PDZD4: variants seen among roughly 807,000 people sequenced by gnomAD.
The protein encoded by PDZD4 is PDZ domain-containing protein 4.
In PDZD4, 9 loss-of-function variants were observed where a neutral mutation model predicts 38.5. That is an observed-to-expected ratio of 0.23 (90% CI 0.14 to 0.41). The LOEUF is 0.41. Among genes scored for constraint, PDZD4 ranks in the 10% least tolerant of loss-of-function variants. The pLI is 1.00. For synonymous variants in PDZD4, 349 were observed against 315.7 expected, an observed-to-expected ratio of 1.11 and a Z score of -1.12; for missense variants, 612 against 722.0, an observed-to-expected ratio of 0.85 and a Z score of 1.75.
In PDZD4 at chrX:153,830,211, G is replaced by T. The variant is rs369374375; in HGVS notation, c.60+28C>A. ...CCCGCTCCTCCCCGCGGAGGGCCGCGCCCCCGCCGCAGCGCCGGCGGCCCT... is the reference window on the plus strand; with the variant it reads ...CCCGCTCCTCCCCGCGGAGGGCCGCTCCCCCGCCGCAGCGCCGGCGGCCCT... On this transcript the variant is annotated intron_variant, in intron 1 of 7. Coordinates refer to ENST00000393758, the MANE Select transcript of PDZD4 (RefSeq NM_001303512.2). 1.1e-4 allele frequency: 135 copies of T among 1,179,136 alleles called. 1 individual carries two copies. In the African/African-American group the frequency reaches 1.9e-3, roughly 17 times the overall value.
intron 2 of PDZD4, 59 bp downstream of exon 2, chrX:153,808,283 C>T: frequency 8.7e-7 from 1 of 1,146,383 alleles, no homozygotes. Context: ...CGGATGGCCG[C>T]TCCAGGTGGC....
chrX:153,829,359 T>C (rs1266190595), intron 1 of PDZD4, among the ~76,000 whole-genome samples: 2 of 111,157 alleles, frequency 1.8e-5, no homozygotes, highest in Non-Finnish European at 3.8e-5. Flanking sequence ...AACGCATACC[T>C]GTCTGAGCCC....
At chrX:153,808,101 C>T (rs1369091929) in intron 2 of PDZD4, 51 of 1,064,126 alleles carry the variant, frequency 4.8e-5, no homozygotes, top group Non-Finnish European at 5.5e-5. Context: ...CTGGCACTTC[C>T]GGCAGCGACG....
intron 1 of PDZD4, among the ~76,000 whole-genome samples, chrX:153,819,112 A>G (rs2064393533): frequency 8.9e-6 from 1 of 112,639 alleles, no homozygotes; most frequent in Non-Finnish European, 1.9e-5. Flanking sequence ...GCGCGCCGCG[A>G]CGGCGGCGGG....
intron 1 of PDZD4, among the ~76,000 whole-genome samples, chrX:153,823,111 T>G (rs1557081728): frequency 9.1e-6 from 1 of 110,111 alleles, no homozygotes. Flanking sequence ...TAGGCTGGAG[T>G]GCAGTGGCTT....
rs868984122 is a variant in PDZD4 at position 153,806,261 on chromosome X, C to A, written c.505-128G>T. On this transcript the variant is annotated intron_variant, in intron 4 of 7. Coordinates refer to ENST00000393758, the MANE Select transcript of PDZD4 (RefSeq NM_001303512.2). ...TGGCTCCCCTTCCAGCTCTGAGCCCCAGGAAGCAGAGGCAGAGGCTGTGGA... is the reference window on the plus strand; with the variant it reads ...TGGCTCCCCTTCCAGCTCTGAGCCCAAGGAAGCAGAGGCAGAGGCTGTGGA... 8.5e-5 allele frequency: 56 copies of A among 657,280 alleles called. No individual in the cohort carries two copies. In the African/African-American group the frequency reaches 1.1e-3, roughly 13 times the overall value. 54.2% of individuals were successfully genotyped at this position (657,280 alleles called of 1,213,427 possible).
At chrX:153,823,404 G>C (rs1454268178) in intron 1 of PDZD4, among the ~76,000 whole-genome samples, 1 of 110,599 alleles carries the variant, frequency 9.0e-6, no homozygotes, top group African/African-American at 3.3e-5. Flanking sequence ...TTTTAGTAGA[G>C]ATGGGGTTTC....
At chrX:153,815,746 C>A (rs1312536070) in intron 1 of PDZD4, among the ~76,000 whole-genome samples, 1 of 105,693 alleles carries the variant, frequency 9.5e-6, no homozygotes, top group Non-Finnish European at 2.0e-5. Context: ...CCCCAGGGAA[C>A]CCTGGGAAGC....
At position 153,803,926 on chromosome X, in the gene PDZD4, C is replaced by G; in HGVS notation, c.1755G>C (p.Glu585Asp). ...CCAGCTGCACGCAGCTGTGGTAGTG[C>G]TCGCCCTCCTGGCCCTGGCCGCGGT... is the stretch of plus-strand genomic sequence containing the variant. Reference protein sequence around the residue: ...RRHRGQGQEGEHYHSCVQLAP... With the variant: ...RRHRGQGQEGDHYHSCVQLAP... The change falls in exon 8 of 8, where the codon GAG (glutamate) becomes GAC (aspartate). Residue 585 changes from glutamate (E) to aspartate (D), a missense_variant. Transcript: ENST00000393758. The G allele has an allele frequency of 8.5e-7, 1 of 1,173,700 alleles. No homozygotes were observed.
intron 1 of PDZD4, among the ~76,000 whole-genome samples, chrX:153,809,537 A>C (rs2064288007): frequency 8.9e-6 from 1 of 112,702 alleles, no homozygotes; most frequent in African/African-American, 3.2e-5. Flanking sequence ...CAGTGAGCCG[A>C]GATCGCACCA....
intron 1 of PDZD4, among the ~76,000 whole-genome samples, chrX:153,809,894 A>G (rs2064292293): frequency 1.8e-5 from 2 of 113,082 alleles, no homozygotes; most frequent in South Asian, 7.2e-4. Flanking sequence ...GGGTGAAGGA[A>G]GGACAATGAA....
chrX:153,821,768 C>T (rs1461143478), intron 1 of PDZD4, among the ~76,000 whole-genome samples: 1 of 111,791 alleles, frequency 8.9e-6, no homozygotes, highest in East Asian at 2.8e-4. Flanking sequence ...ATGAGGGCAT[C>T]TTTCTTTCCC....
chrX:153,830,031 G>T (rs1027470283), intron 1 of PDZD4: 1 of 615,296 alleles, frequency 1.6e-6, no homozygotes. Context: ...CGCCCCACCC[G>T]GGCCAACCCC....
intron 6 of PDZD4, 147 bp from the exon 7 acceptor site, chrX:153,805,354 A>T (rs889842224): frequency 1.4e-6 from 1 of 693,518 alleles, no homozygotes; most frequent in Non-Finnish European, 2.2e-6. Flanking sequence ...TTCAGAGGCC[A>T]GGAGGGGAAA....
rs199802294 is a variant in PDZD4 at position 153,803,251 on chromosome X, A to ACG, written c.*100_*101dup. The ACG allele has an allele frequency of 2.8e-3, 1,606 of 578,591 alleles. 29 individuals carry two copies. The African/African-American group carries it at 0.035, about 13-fold the overall frequency. The allele number at this position is 578,591 out of a possible 1,213,427, so 47.7% of individuals were successfully genotyped here. ...AGATGTGTGCGTGCGCACAGCGAGC[A>ACG]CGCGCGCGCGCACACACACACACAC... is the stretch of plus-strand genomic sequence containing the variant. On this transcript the variant is annotated 3_prime_UTR_variant, in exon 8 of 8. Transcript: ENST00000393758.
intron 1 of PDZD4, chrX:153,829,664 C>G (rs1341720085): frequency 2.7e-6 from 2 of 733,342 alleles, no homozygotes; most frequent in Non-Finnish European, 3.2e-6. Context: ...GTCCACGCCC[C>G]GCAAAGCCCG....
At chrX:153,809,946 G>A (rs1349156339) in intron 1 of PDZD4, among the ~76,000 whole-genome samples, 1 of 112,935 alleles carries the variant, frequency 8.9e-6, no homozygotes, top group Non-Finnish European at 1.9e-5. Flanking sequence ...GCAGGTGGTG[G>A]GGCAAGCAGT....
intron 1 of PDZD4, among the ~76,000 whole-genome samples, chrX:153,810,200 A>C (rs1018767): frequency 1.8e-5 from 2 of 111,530 alleles, no homozygotes; most frequent in Admixed American, 1.9e-4. Context: ...TCAGCGGCTT[A>C]TGGAAGGGCT....
rs1009712913 is a variant in PDZD4, at chrX:153,820,260, T to G, written c.60+9979A>C. Among the ~76,000 whole-genome samples, 4 of 101,037 alleles carry G rather than the reference T, an allele frequency of 4.0e-5. No homozygotes were observed. In the East Asian group the frequency reaches 1.2e-3, roughly 31 times the overall value. The allele number at this position is 101,037 out of a possible 115,157, so 87.7% of individuals were successfully genotyped here. A position where few individuals can be genotyped will look rare whatever the true frequency, so the allele number is the denominator to read the frequency against. On this transcript the variant is annotated intron_variant, in intron 1 of 7. Transcript: ENST00000393758. ...TACTAGGGAGGCTGAGGCAGGAGAA[T>G]CACTTGAACCCGGGTGGCGGAGGAG...
Sources: gnomAD v4.1 joint callset for allele counts (sites outside exome capture counted in the v4.1 genomes callset) on GRCh38, gnomAD v4.1.1 for gene constraint, MANE v1.5 for transcripts, NCBI Gene and HGNC (gene_info 2026-07-23, HGNC 2026-07-21) for gene names.